The following NKD2 variants were observed in gnomAD, a reference collection of about 807,000 sequenced individuals.
The protein encoded by NKD2 is NKD inhibitor of Wnt signaling pathway 2, also known as protein naked cuticle homolog 2.
A neutral mutation model predicts 34.8 loss-of-function variants in NKD2; 43 were observed. That is an observed-to-expected ratio of 1.24 (90% CI 0.97 to 1.60). The LOEUF is 1.60. Ranked by LOEUF, NKD2 falls within the 40% of genes most tolerant of loss-of-function variation. The pLI is 0.00. For missense variants in NKD2, 675 were observed against 627.1 expected, an observed-to-expected ratio of 1.08 and a Z score of -0.82; for synonymous variants, 278 against 265.1, an observed-to-expected ratio of 1.05 and a Z score of -0.47.
chr5:1,033,286 A>AG (rs1229277080), intron 4 of NKD2, 86 bp from the exon 5 acceptor site: 1 of 1,261,914 alleles, frequency 7.9e-7, no homozygotes, highest in Non-Finnish European at 1.1e-6. Context: ...TGGTGTGGTG[A>AG]GGGGAGAGCA....
At chr5:1,018,052 G>A (rs1756028770) in intron 3 of NKD2, among the ~76,000 whole-genome samples, 1 of 152,116 alleles carries the variant, frequency 6.6e-6, no homozygotes, top group African/African-American at 2.4e-5. Context: ...GGCAGCCACT[G>A]CAAAGGCCCT....
chr5:1,009,528 G>C lies in NKD2; in HGVS notation c.109G>C (p.Glu37Gln). 1.3e-6 allele frequency: 2 copies of C among 1,494,826 alleles called. No individual in the cohort carries two copies. The highest frequency in any genetic ancestry group is 1.8e-6 in the Non-Finnish European group (2 of 1,131,090). The allele number at this position is 1,494,826 out of a possible 1,614,324, so 92.6% of individuals were successfully genotyped here. The change falls in exon 3 of 10, where the codon GAG (glutamate) becomes CAG (glutamine). Residue 37 changes from glutamate (E) to glutamine (Q), a missense_variant. By Grantham distance (29) the Glu-to-Gln change is conservative (BLOSUM62 2). Transcript: ENST00000296849. The surrounding 1 kb of genome is among the most constrained non-coding windows in gnomAD (Gnocchi z 6.9). ...GTACGCGAGCGGCCGCAAAGGCGCG[G>C]AGGAAGCGGAGCGGCGCGCGCGGGA... ...SAYASGRKGA[E>Q]EAERRARDKQ...
Position 1,036,283 on chromosome 5 carries a change from G to GCTCGGAGCGGGGGCCCTA in NKD2, c.689_706dup (p.Ser230_Tyr235dup), listed in dbSNP as rs754331998. On this transcript the variant is annotated inframe_insertion, in exon 9 of 10. Coordinates refer to ENST00000296849, the MANE Select transcript of NKD2 (RefSeq NM_033120.4). ...AGGCCCAGTACTGACCCCCAGCCCT[G>GCTCGGAGCGGGGGCCCTA]CTCGGAGCGGGGGCCCTACTGCGTG... is the stretch of plus-strand genomic sequence containing the variant. 6.2e-6 allele frequency: 10 copies of GCTCGGAGCGGGGGCCCTA among 1,611,448 alleles called. No individual in the cohort carries two copies. The highest frequency in any genetic ancestry group is 3.3e-5 in the Admixed American group (2 of 59,914).
chr5:1,018,248 C>G (rs575179265), intron 3 of NKD2, among the ~76,000 whole-genome samples: 1 of 152,166 alleles, frequency 6.6e-6, no homozygotes, highest in Non-Finnish European at 1.5e-5. Flanking sequence ...AGGAGCACCA[C>G]AGCTGCAGAC....
rs201097371 is a variant in NKD2 at position 1,025,843 on chromosome 5, G to T, written c.142-6309G>T. On this transcript the variant is annotated intron_variant, in intron 3 of 9. Coordinates refer to ENST00000296849, the MANE Select transcript of NKD2 (RefSeq NM_033120.4). The stretch of plus-strand genomic sequence containing the variant: ...CACCCGCTAGTGGGCATCTCAGCCC[G>T]TTGTCCCTGCTCTTCCCACCCGCTG... 9.8e-4 allele frequency among the ~76,000 whole-genome samples: 39 copies of T among 39,954 alleles called. 9 individuals are homozygous for T. The highest frequency in any genetic ancestry group is 3.2e-3 in the East Asian group (3 of 940). 26.2% of individuals were successfully genotyped at this position (39,954 alleles called of 152,430 possible). A position where few individuals can be genotyped will look rare whatever the true frequency, so the allele number is the denominator to read the frequency against.
rs776840483 is a variant in NKD2 at position 1,037,851 on chromosome 5, G to A, written c.834G>A (p.Ser278=). The change falls in exon 10 of 10, where the codon TCG becomes TCA. Residue 278 remains serine (S), a synonymous_variant. Transcript: ENST00000296849. ...QAKQEPQGRA[S]HLQARSRSQE... ...AGCAGGAGCCCCAGGGCAGGGCCTCGCACCTCCAGGCCCGGTCCCGCTCCC... is the reference window on the plus strand; with the variant it reads ...AGCAGGAGCCCCAGGGCAGGGCCTCACACCTCCAGGCCCGGTCCCGCTCCC... 1.6e-5 allele frequency: 25 copies of A among 1,594,862 alleles called. No individual in the cohort carries two copies. Among genetic ancestry groups the A allele is most frequent in the South Asian group, 1.0e-4 (9 of 89,680 alleles).
chr5:1,038,114 C>T lies in NKD2; in HGVS notation c.1097C>T (p.Pro366Leu). ...CCGGCCGTCCTGCCGCCCCAGGCCC[C>T]TCAGGACGGCCACCACCTCCCGCAG... The part of the protein sequence containing the change: ...YLPAVLPPQA[P>L]QDGHHLPQPP... The change falls in exon 10 of 10, where the codon CCT becomes CTT. Residue 366 changes from proline to leucine, a missense_variant. Physicochemically the swap from Pro to Leu is moderately conservative, Grantham distance 98. Transcript: ENST00000296849. The surrounding 1 kb of genome is among the most constrained non-coding windows in gnomAD (Gnocchi z 4.5). 6.3e-7 allele frequency: 1 copy of T among 1,598,804 alleles called. No individual in the cohort carries two copies. Among genetic ancestry groups the T allele is most frequent in the South Asian group, 1.1e-5 (1 of 89,836 alleles).
Position 1,037,338 on chromosome 5 carries a change from C to G in NKD2, c.788-467C>G, listed in dbSNP as rs143612862. On this transcript the variant is annotated intron_variant, in intron 9 of 9. Transcript: ENST00000296849. The stretch of plus-strand genomic sequence containing the variant: ...GGGGCTCAGTGCGCTGTGTGCTGAC[C>G]CTGCCCTCCTTGGCCGCGCTCTGCA... 4.2e-3 allele frequency among the ~76,000 whole-genome samples: 633 copies of G among 152,246 alleles called. 14 individuals carry two copies. Among genetic ancestry groups the G allele is most frequent in the Admixed American group, 0.037 (559 of 15,296 alleles).
At chr5:1,027,694 C>T (rs1756476857) in intron 3 of NKD2, among the ~76,000 whole-genome samples, 1 of 152,226 alleles carries the variant, frequency 6.6e-6, no homozygotes, top group South Asian at 2.1e-4. Flanking sequence ...ACTGTGGACA[C>T]CCGTGTGTTT....
At chr5:1,035,539 TCCCGCAG>T (rs1733859349) in intron 8 of NKD2, 66 bp downstream of exon 8, 2 of 1,299,022 alleles carry the variant, frequency 1.5e-6, no homozygotes, top group East Asian at 2.5e-5. Context: ...CACCCCTGCT[TCCCGCAG>T]GCCACAGGCC....
chr5:1,038,070 A>G lies in NKD2; in HGVS notation c.1053A>G (p.Lys351=). The change falls in exon 10 of 10, where the codon AAA becomes AAG. Residue 351 remains lysine, a synonymous_variant. Coordinates refer to ENST00000296849, the MANE Select transcript of NKD2 (RefSeq NM_033120.4). This position sits in a 1 kb window ranked among gnomAD's most constrained non-coding sequence, Gnocchi z 4.5. ...PGVPASSKSG[K]AFSYYLPAVL... ...TGCCAGCCAGCAGCAAGTCCGGGAA[A>G]GCCTTCAGCTACTACCTGCCGGCCG... 6.2e-7 allele frequency: 1 copy of G among 1,609,144 alleles called. No homozygotes were observed. The highest frequency in any genetic ancestry group is 8.5e-7 in the Non-Finnish European group (1 of 1,179,136).
intron 3 of NKD2, among the ~76,000 whole-genome samples, chr5:1,016,082 G>A (rs988780489): frequency 2.0e-5 from 3 of 152,228 alleles, no homozygotes; most frequent in African/African-American, 7.2e-5. Flanking sequence ...AGAGGGGTCT[G>A]CCCAGGTAGC....
At chr5:1,036,493 CCCCCCCCCAACCCCCCCCA>C in intron 9 of NKD2, 109 bp downstream of exon 9, 1 of 535,054 alleles carries the variant, frequency 1.9e-6, no homozygotes, top group Non-Finnish European at 2.9e-6. Context: ...CCCTGCCCCG[CCCCCCCCCAACCCCCCCCA>C]CCCCACCCCA....
chr5:1,017,584 G>A lies in NKD2; in HGVS notation c.141+8024G>A, dbSNP rs868252381. ...TTGTCACAGGCTTGTCCTGGGCACC[G>A]CCTCAAAAGGAGGAAACAAAAACAG... On this transcript the variant is annotated intron_variant, in intron 3 of 9. Transcript: ENST00000296849. 3.3e-5 allele frequency among the ~76,000 whole-genome samples: 5 copies of A among 152,352 alleles called. No homozygotes were observed. In the South Asian group the frequency reaches 1.0e-3, roughly 32 times the overall value.
chr5:1,035,318 A>ATGAG (rs1217940625), intron 7 of NKD2, 71 bp from the exon 8 acceptor site: 2 of 1,177,248 alleles, frequency 1.7e-6, no homozygotes, highest in South Asian at 2.7e-5. Flanking sequence ...GAGTTAATGA[A>ATGAG]TGAGTGAATG....
chr5:1,036,482 G>C, intron 9 of NKD2, 98 bp downstream of exon 9: 1 of 787,408 alleles, frequency 1.3e-6, no homozygotes, highest in Non-Finnish European at 1.9e-6. Context: ...GCCCCTCCCT[G>C]CCCTGCCCCG....
Position 1,008,894 on chromosome 5 carries a change from C to T in NKD2, c.-164C>T. 2 of 373,426 alleles carry T rather than the reference C, an allele frequency of 5.4e-6. No homozygotes were observed. The highest frequency in any genetic ancestry group is 9.5e-6 in the Non-Finnish European group (2 of 210,432). 23.1% of individuals were successfully genotyped at this position (373,426 alleles called of 1,614,324 possible). A position where few individuals can be genotyped will look rare whatever the true frequency, so the allele number is the denominator to read the frequency against. On this transcript the variant is annotated 5_prime_UTR_variant, in exon 1 of 10. Transcript: ENST00000296849. ...CCGCCCCGCGGCCGTACCTGGCGCC[C>T]CCTGGCTCCCCCGGCCCCCGCGCGG...
intron 3 of NKD2, among the ~76,000 whole-genome samples, chr5:1,013,613 C>G (rs557119072): frequency 1.3e-5 from 2 of 152,224 alleles, no homozygotes; most frequent in African/African-American, 4.8e-5. Context: ...GGGCCTTGGG[C>G]CCACTGAGGG....
intron 3 of NKD2, among the ~76,000 whole-genome samples, chr5:1,025,750 G>A (rs1375348129): frequency 2.2e-5 from 2 of 89,884 alleles, no homozygotes; most frequent in African/African-American, 5.1e-5. Flanking sequence ...CGCTGTGGGC[G>A]TCTCAGCCCA....
Sources: gnomAD v4.1 joint callset for allele counts (sites outside exome capture counted in the v4.1 genomes callset) on GRCh38, gnomAD v4.1.1 for gene constraint, Gnocchi (gnomAD v3.1) non-coding constraint, MANE v1.5 for transcripts, NCBI Gene and HGNC (gene_info 2026-07-23, HGNC 2026-07-21) for gene names.